IL10RA: variants seen among roughly 807,000 people sequenced by gnomAD.
IL10RA encodes interleukin-10 receptor subunit alpha.
IL10RA carries 18 observed loss-of-function variants against 29.6 expected under a neutral mutation model. The ratio of observed to expected loss-of-function variants is 0.61; its 90% CI spans 0.42 to 0.90. The LOEUF (loss-of-function observed/expected upper bound fraction) is 0.90, where lower values mean the gene tolerates loss of function less well. IL10RA is among the 40% of genes least tolerant of loss of function. The pLI is 0.00. For synonymous variants in IL10RA, 292 were observed against 294.1 expected (o/e 0.99, Z 0.07); for missense variants, 634 against 716.6 (o/e 0.88, Z 1.32).
chr11:117,993,928 C>A, intron 4 of IL10RA, 71 bp from the exon 5 acceptor site: 1 of 1,397,852 alleles, frequency 7.2e-7, no homozygotes, highest in South Asian at 1.2e-5. Context: ...CCTCTAAAGG[C>A]CCACCAGCTC....
In IL10RA at chr11:117,989,740, A is replaced by G. The variant is rs764189755; in HGVS notation, c.367+120A>G. On this transcript the variant is annotated intron_variant, in intron 3 of 6. Coordinates refer to ENST00000227752, the MANE Select transcript of IL10RA (RefSeq NM_001558.4). This position sits in a 1 kb window ranked among gnomAD's most constrained non-coding sequence, Gnocchi z 4.5. ...CATGTCTGCCAGCCTCCCTGGCCGG[A>G]GAACTAGTTGCCCAAACAGGGCAGG... 2.2e-5 allele frequency: 23 copies of G among 1,042,602 alleles called. No individual in the cohort carries two copies. Among genetic ancestry groups the G allele is most frequent in the Non-Finnish European group, 3.3e-5 (23 of 694,130 alleles). The allele number at this position is 1,042,602 out of a possible 1,614,324, so 64.6% of individuals were successfully genotyped here. A position where few individuals can be genotyped will look rare whatever the true frequency, so the allele number is the denominator to read the frequency against.
chr11:117,988,377 C>T lies in IL10RA; in HGVS notation c.68-5C>T, dbSNP rs2058000796. On this transcript the variant is annotated splice_region_variant and splice_polypyrimidine_tract_variant and intron_variant, in intron 1 of 6. Transcript: ENST00000227752. ...CAGCTGTGGTACTGACACTCTTCTC[C>T]CCAGGGACAGAGCTGCCCAGCCCTC... The T allele has an allele frequency of 6.2e-7, 1 of 1,614,102 alleles. No individual in the cohort carries two copies. The highest frequency in any genetic ancestry group is 8.5e-7 in the Non-Finnish European group (1 of 1,180,008).
intron 3 of IL10RA, chr11:117,992,993 A>G (rs1348575209): frequency 4.8e-5 from 25 of 523,860 alleles, no homozygotes; most frequent in Admixed American, 1.3e-4. Flanking sequence ...TTGAAAATCA[A>G]TTGTGGGTTT....
rs1403490797 is a variant in IL10RA, at chr11:117,989,380, C to T, written c.189-62C>T. 6.7e-7 allele frequency: 1 copy of T among 1,483,554 alleles called. No homozygotes were observed. Among genetic ancestry groups the T allele is most frequent in the East Asian group, 2.3e-5 (1 of 44,278 alleles). 91.9% of individuals were successfully genotyped at this position (1,483,554 alleles called of 1,614,324 possible). On this transcript the variant is annotated intron_variant, in intron 2 of 6. Coordinates refer to ENST00000227752, the MANE Select transcript of IL10RA (RefSeq NM_001558.4). This position sits in a 1 kb window ranked among gnomAD's most constrained non-coding sequence, Gnocchi z 4.5. ...CTCTCTTCCTGGCCTCTTGCGTCTC[C>T]CTTAAAGGAGGTAGGATTGAGCACA... is the stretch of plus-strand genomic sequence containing the variant.
At position 117,986,513 on chromosome 11, in the gene IL10RA, C is replaced by G. The variant is rs748428395; in HGVS notation, c.46C>G (p.Arg16Gly). 4 of 1,555,750 alleles carry G rather than the reference C, an allele frequency of 2.6e-6. No individual in the cohort carries two copies. The South Asian group carries it at 3.6e-5, about 14-fold the overall frequency. The change falls in exon 1 of 7, where the codon CGT becomes GGT. Residue 16 changes from arginine to glycine, a missense_variant. Arg to Gly is a moderately radical substitution (Grantham distance 125). Coordinates refer to ENST00000227752, the MANE Select transcript of IL10RA (RefSeq NM_001558.4). ...VVLLAALLSL[R>G]LGSDAHGTEL... The stretch of plus-strand genomic sequence containing the variant: ...GCTGCTGGCGGCGCTCCTCAGCCTC[C>G]GTCTTGGCTCAGACGCTCATGGTAA...
rs149737329 is a variant in IL10RA, at chr11:118,000,244, A to G, written c.*603A>G. 2.2e-6 allele frequency: 1 copy of G among 454,192 alleles called. No homozygotes were observed. The highest frequency in any genetic ancestry group is 2.0e-5 in the African/African-American group (1 of 50,080). 28.1% of individuals were successfully genotyped at this position (454,192 alleles called of 1,614,324 possible). A position where few individuals can be genotyped will look rare whatever the true frequency, so the allele number is the denominator to read the frequency against. On this transcript the variant is annotated 3_prime_UTR_variant, in exon 7 of 7. Coordinates refer to ENST00000227752, the MANE Select transcript of IL10RA (RefSeq NM_001558.4). ...ATATATTTTCTGGACACTCAAACACATCATAATGGATTCACTGAGGGGAGA... is the reference window on the plus strand; with the variant it reads ...ATATATTTTCTGGACACTCAAACACGTCATAATGGATTCACTGAGGGGAGA...
intron 4 of IL10RA, 101 bp from the exon 5 acceptor site, chr11:117,993,898 A>T: frequency 1.1e-6 from 1 of 928,404 alleles, no homozygotes; most frequent in Non-Finnish European, 1.7e-6. Flanking sequence ...AAGGATACTG[A>T]AGGGGGTTGG....
At chr11:117,988,564 C>T (rs1352403715) in intron 2 of IL10RA, 62 bp downstream of exon 2, 12 of 1,593,180 alleles carry the variant, frequency 7.5e-6, no homozygotes, top group African/African-American at 6.7e-5. Context: ...CCTCTACTCT[C>T]CTAGCATGGG....
At chr11:117,995,299 C>G in intron 5 of IL10RA, 3 of 459,278 alleles carry the variant, frequency 6.5e-6, no homozygotes, top group South Asian at 4.1e-5. Context: ...TTCTTACCTG[C>G]TGTACCATCC....
At chr11:117,995,374 C>T in intron 5 of IL10RA, 3 of 620,644 alleles carry the variant, frequency 4.8e-6, no homozygotes, top group Non-Finnish European at 2.9e-6. Context: ...GTTAGCGCAT[C>T]TCCTGAGGGA....
chr11:118,002,374 T>A (rs1055308454), downstream of IL10RA: 11 of 152,250 alleles, frequency 7.2e-5, no homozygotes, highest in Non-Finnish European at 1.3e-4. Context: ...GAAGTGCTGA[T>A]CCTATCATCT....
intron 6 of IL10RA, 119 bp downstream of exon 6, chr11:117,995,829 C>T: frequency 1.8e-6 from 2 of 1,084,476 alleles, no homozygotes; most frequent in Non-Finnish European, 2.7e-6. Flanking sequence ...CTGCTCTCAG[C>T]CCTGATGTGA....
intron 3 of IL10RA, chr11:117,993,008 C>T: frequency 1.8e-6 from 1 of 547,342 alleles, no homozygotes; most frequent in Non-Finnish European, 3.3e-6. Context: ...GGGTTTATTT[C>T]TGGGCTGTCC....
chr11:117,994,117 C>T lies in IL10RA; in HGVS notation c.656C>T (p.Ser219Phe), dbSNP rs2058041459. The T allele has an allele frequency of 1.9e-6, 3 of 1,614,128 alleles. No homozygotes were observed. The highest frequency in any genetic ancestry group is 2.5e-6 in the Non-Finnish European group (3 of 1,180,004). ...TCCCGAAGTAACAAGGGGATGTGGT[C>T]TAAAGAGGAGTGCATCTCCCTCACC... ...VASRSNKGMW[S>F]KEECISLTRQ... The change falls in exon 5 of 7, where the codon TCT becomes TTT. Residue 219 changes from serine to phenylalanine, a missense_variant. Ser to Phe is a radical substitution (Grantham distance 155). Coordinates refer to ENST00000227752, the MANE Select transcript of IL10RA (RefSeq NM_001558.4).
Position 117,989,289 on chromosome 11 carries a change from A to T in IL10RA, c.189-153A>T. 1.3e-6 allele frequency: 1 copy of T among 748,474 alleles called. No individual in the cohort carries two copies. Among genetic ancestry groups the T allele is most frequent in the Non-Finnish European group, 2.4e-6 (1 of 419,400 alleles). 46.4% of individuals were successfully genotyped at this position (748,474 alleles called of 1,614,324 possible). A position where few individuals can be genotyped will look rare whatever the true frequency, so the allele number is the denominator to read the frequency against. The stretch of plus-strand genomic sequence containing the variant: ...GTCCCAAGACCAAGGGAGACCCCTC[A>T]CAATGAGCTGCCGTGGACTAGAGGA... On this transcript the variant is annotated intron_variant, in intron 2 of 6. Transcript: ENST00000227752. The surrounding 1 kb of genome is among the most constrained non-coding windows in gnomAD (Gnocchi z 4.5).
intron 3 of IL10RA, among the ~76,000 whole-genome samples, chr11:117,992,005 G>C (rs1012231992): frequency 2.0e-5 from 3 of 152,176 alleles, no homozygotes; most frequent in Non-Finnish European, 2.9e-5. Context: ...AAAGTGCTAG[G>C]ATTACAGGCG....
At position 117,999,771 on chromosome 11, in the gene IL10RA, CCCCAGCCAGGCCCTGCAGGGCTGGT is replaced by C. The variant is rs1310381471; in HGVS notation, c.*132_*156del. 13 of 835,478 alleles carry C rather than the reference CCCCAGCCAGGCCCTGCAGGGCTGGT, an allele frequency of 1.6e-5. No individual in the cohort carries two copies. The highest frequency in any genetic ancestry group is 2.4e-5 in the Non-Finnish European group (12 of 505,256). The allele number at this position is 835,478 out of a possible 1,614,324, so 51.8% of individuals were successfully genotyped here. A position where few individuals can be genotyped will look rare whatever the true frequency, so the allele number is the denominator to read the frequency against. On this transcript the variant is annotated 3_prime_UTR_variant, in exon 7 of 7. Coordinates refer to ENST00000227752, the MANE Select transcript of IL10RA (RefSeq NM_001558.4). ...TTTTCTGCAAGTCCACTGGGGCTGGCCCCAGCCAGGCCCTGCAGGGCTGGTCAGGGTGTCTGGGGCAGGAGGAGGC... is the reference window on the plus strand; with the variant it reads ...TTTTCTGCAAGTCCACTGGGGCTGGCCAGGGTGTCTGGGGCAGGAGGAGGC...
downstream of IL10RA, chr11:118,001,563 G>A (rs1275084493): frequency 8.2e-6 from 3 of 365,636 alleles, no homozygotes; most frequent in African/African-American, 4.3e-5. Flanking sequence ...GGGTAATAAT[G>A]TGTGGGATGT....
chr11:117,991,361 G>A (rs1291768153), intron 3 of IL10RA, among the ~76,000 whole-genome samples: 1 of 152,280 alleles, frequency 6.6e-6, no homozygotes, highest in East Asian at 1.9e-4. Context: ...AAGGTAATTA[G>A]AATATCTATC....
Sources: gnomAD v4.1 joint callset for allele counts (sites outside exome capture counted in the v4.1 genomes callset) on GRCh38, gnomAD v4.1.1 for gene constraint, Gnocchi (gnomAD v3.1) non-coding constraint, MANE v1.5 for transcripts, NCBI Gene and HGNC (gene_info 2026-07-23, HGNC 2026-07-21) for gene names.